The following INTS6 variants were observed in gnomAD, a reference collection of about 807,000 sequenced individuals.
The protein encoded by INTS6 is integrator complex subunit 6, also known as DEAD box protein.
Under a neutral mutation model 104.9 loss-of-function variants are expected in INTS6, and 16 were observed. That is an observed-to-expected ratio of 0.15 (90% CI 0.10 to 0.23). The LOEUF is 0.23. Among genes scored for constraint, INTS6 ranks in the 10% least tolerant of loss-of-function variants. INTS6 has a pLI of 1.00. For missense variants in INTS6, 584 were observed against 1,062.8 expected (o/e 0.55, Z 6.26); for synonymous variants, 324 against 358.7 (o/e 0.90, Z 1.09).
At chr13:51,367,756 C>T (rs891645327) in intron 17 of INTS6, 49 bp downstream of exon 17, 1 of 1,050,958 alleles carries the variant, frequency 9.5e-7, no homozygotes. Context: ...CCTATATAAA[C>T]TGTGGACTCA....
intron 4 of INTS6, among the ~76,000 whole-genome samples, chr13:51,403,594 GAAAAAAAAAAGAAA>G (rs1360382676): frequency 2.4e-4 from 15 of 63,012 alleles, no homozygotes; most frequent in South Asian, 8.6e-4. Context: ...AAAAAAAAAA[GAAAAAAAAAAGAAA>G]AAAAAAAAAA....
At chr13:51,411,827 C>T (rs1387343615) in intron 4 of INTS6, among the ~76,000 whole-genome samples, 1 of 152,080 alleles carries the variant, frequency 6.6e-6, no homozygotes, top group Non-Finnish European at 1.5e-5. Flanking sequence ...GGTATACACC[C>T]AAAAGAAATA....
At chr13:51,335,516 G>A in the INTS6 span, among the ~76,000 whole-genome samples, 84 of 152,306 alleles carry the variant, frequency 5.5e-4, no homozygotes, top group African/African-American at 1.4e-3. Flanking sequence ...GGGTGTTGGC[G>A]GGGTGTAGAA....
chr13:51,372,387 CCCT>C (rs748629993), intron 15 of INTS6, among the ~76,000 whole-genome samples: 266 of 152,102 alleles, frequency 1.7e-3, no homozygotes, highest in Non-Finnish European at 2.9e-3. Flanking sequence ...TTAAATTCTC[CCCT>C]ATTTTCTCCT....
chr13:51,341,142 AGC>A, the INTS6 span: 4 of 1,613,904 alleles, frequency 2.5e-6, no homozygotes, highest in Non-Finnish European at 3.4e-6. Context: ...GCTGCCTCCG[AGC>A]AAATGGCCAC....
intron 3 of INTS6, chr13:51,439,795 G>C (rs1399416317): frequency 1.3e-5 from 2 of 152,168 alleles, no homozygotes; most frequent in African/African-American, 4.8e-5. Context: ...TGTACAGTAA[G>C]ACATCACATA....
intron 10 of INTS6, among the ~76,000 whole-genome samples, chr13:51,380,148 T>A (rs1956018168): frequency 6.6e-6 from 1 of 152,074 alleles, no homozygotes; most frequent in South Asian, 2.1e-4. Context: ...TTATTAATCA[T>A]TACTATTATT....
At chr13:51,441,824 C>CT (rs67702309) in intron 3 of INTS6, 64,518 of 142,946 alleles carry the variant, frequency 0.45, 14,482 homozygotes, top group Admixed American at 0.52. Context: ...CACCTCCAGC[C>CT]TTTTTTTTTT....
chr13:51,369,007 C>G lies in INTS6; in HGVS notation c.2408G>C (p.Arg803Thr), dbSNP rs1019238482. The change falls in exon 16 of 18, where the codon AGA (arginine) becomes ACA (threonine). Residue 803 changes from arginine (R) to threonine (T), a missense_variant. Transcript: ENST00000311234. ...LNKGKKLMHC[R>T]SHEEVNTELK... ...TTCAGTATTGACCTCTTCATGGCTTCTGCAATGCATCAATTTCTTTCCTTT... is the reference window on the plus strand; with the variant it reads ...TTCAGTATTGACCTCTTCATGGCTTGTGCAATGCATCAATTTCTTTCCTTT... 3.1e-6 allele frequency: 5 copies of G among 1,613,714 alleles called. No homozygotes were observed.
the INTS6 span, chr13:51,339,190 G>A: frequency 6.6e-6 from 1 of 152,188 alleles, no homozygotes. Context: ...AATGAGGCAA[G>A]TCACCCTGCT....
At chr13:51,344,538 A>C in the INTS6 span, 22 of 1,397,814 alleles carry the variant, frequency 1.6e-5, no homozygotes, top group East Asian at 5.5e-4. Context: ...CTGCAGAGAC[A>C]GAGTCTCACC....
chr13:51,347,075 G>A, the INTS6 span: 1 of 1,604,536 alleles, frequency 6.2e-7, no homozygotes, highest in Non-Finnish European at 8.5e-7. Flanking sequence ...GCAAGTCAGT[G>A]CAGCATTTGC....
At position 51,355,196 on chromosome 13, in the gene INTS6, A is replaced by G; in HGVS notation, n.431-860T>C. ...CTAGCCGTGTATTTGGGGCAGTTTT[A>G]TCATACTTTGATTAAGGGATTCTCA... On this transcript the variant is annotated intron_variant and non_coding_transcript_variant, in intron 3 of 3. Coordinates refer to the INTS6 transcript ENST00000476666. The G allele has an allele frequency of 4.0e-6, 3 of 749,270 alleles. No individual in the cohort carries two copies. The South Asian group carries it at 5.3e-5, about 13-fold the overall frequency. The allele number at this position is 749,270 out of a possible 1,614,324, so 46.4% of individuals were successfully genotyped here.
chr13:51,374,095 A>T, intron 15 of INTS6, 113 bp downstream of exon 15: 1 of 749,808 alleles, frequency 1.3e-6, no homozygotes. Flanking sequence ...CTATACATTC[A>T]TTCACTCATT....
At chr13:51,441,837 T>C (rs1416617446) in intron 3 of INTS6, 1 of 151,994 alleles carries the variant, frequency 6.6e-6, no homozygotes, top group Non-Finnish European at 1.5e-5. Context: ...TTTTTTTTTT[T>C]TGAGACAGAT....
intron 3 of INTS6, among the ~76,000 whole-genome samples, chr13:51,432,494 T>G (rs1957110970): frequency 1.3e-5 from 2 of 152,166 alleles, no homozygotes. Flanking sequence ...CTTGCTATTT[T>G]TTCATGTGTT....
intron 4 of INTS6, among the ~76,000 whole-genome samples, chr13:51,396,834 T>G (rs1956348424): frequency 6.6e-6 from 1 of 152,172 alleles, no homozygotes; most frequent in South Asian, 2.1e-4. Context: ...TCTGAAGAGT[T>G]AAAACTGTTA....
At position 51,383,356 on chromosome 13, in the gene INTS6, T is replaced by C; in HGVS notation, c.1153A>G (p.Asn385Asp). ...NCVNLFVMPY[N>D]YPVLLPLLDD... is the part of the protein sequence containing the mutation. ...AAGAGGGGAAGAAGGACTGGATAAT[T>C]GTAAGGCATCACAAATAAGTTGACA... is the stretch of plus-strand genomic sequence containing the variant. The change falls in exon 9 of 18, where the codon AAT becomes GAT. Residue 385 changes from asparagine (N) to aspartate (D), a missense_variant. Transcript: ENST00000311234. 1 of 1,613,252 alleles carries C rather than the reference T, an allele frequency of 6.2e-7. No individual in the cohort carries two copies. The highest frequency in any genetic ancestry group is 8.5e-7 in the Non-Finnish European group (1 of 1,179,648).
chr13:51,385,882 C>T (rs1483501267), intron 7 of INTS6, among the ~76,000 whole-genome samples: 3 of 152,088 alleles, frequency 2.0e-5, no homozygotes, highest in Non-Finnish European at 4.4e-5. Flanking sequence ...AACTCATCTC[C>T]CCTTCTAATT....
Sources: gnomAD v4.1 joint callset for allele counts (sites outside exome capture counted in the v4.1 genomes callset) on GRCh38, gnomAD v4.1.1 for gene constraint, MANE v1.5 for transcripts, NCBI Gene and HGNC (gene_info 2026-07-23, HGNC 2026-07-21) for gene names.